Variants in SH3RF2 observed in about 807,000 individuals in gnomAD.
SH3RF2 encodes the protein E3 ubiquitin-protein ligase SH3RF2.
Under a neutral mutation model 59.0 loss-of-function variants are expected in SH3RF2, and 43 were observed. The observed-to-expected ratio is 0.73, with a 90% CI of 0.57 to 0.94. The LOEUF (loss-of-function observed/expected upper bound fraction) is 0.94. SH3RF2 is among the 40% of genes least tolerant of loss of function. The pLI, the probability that SH3RF2 is intolerant of heterozygous loss-of-function variation, is 0.00. For synonymous variants in SH3RF2, 391 were observed against 391.5 expected (o/e 1.00, Z 0.01); for missense variants, 930 against 940.1 (o/e 0.99, Z 0.14).
At chr5:145,982,685 C>T (rs1028034526) in intron 2 of SH3RF2, among the ~76,000 whole-genome samples, 3 of 152,138 alleles carry the variant, frequency 2.0e-5, no homozygotes, top group African/African-American at 7.2e-5. Flanking sequence ...TTTCTGTCCT[C>T]ACAAAGTTTA....
intron 5 of SH3RF2, among the ~76,000 whole-genome samples, chr5:146,042,042 C>G (rs1339277632): frequency 6.6e-6 from 1 of 152,186 alleles, no homozygotes; most frequent in Non-Finnish European, 1.5e-5. Flanking sequence ...TAGTGCCATA[C>G]CAGCTCTAGA....
chr5:146,017,448 G>A (rs868599513), intron 5 of SH3RF2, among the ~76,000 whole-genome samples: 1 of 152,020 alleles, frequency 6.6e-6, no homozygotes, highest in East Asian at 1.9e-4. Context: ...CTCGCCCTCT[G>A]CCTCCCACAC....
At chr5:146,035,952 T>C (rs536870651) in intron 5 of SH3RF2, among the ~76,000 whole-genome samples, 2 of 152,300 alleles carry the variant, frequency 1.3e-5, no homozygotes, top group East Asian at 3.9e-4. Flanking sequence ...GCAGATGCTT[T>C]ACAAGCATCT....
At chr5:145,938,406 G>A in intron 2 of SH3RF2, 100 bp downstream of exon 2, 1 of 1,364,290 alleles carries the variant, frequency 7.3e-7, no homozygotes, top group South Asian at 1.7e-5. Context: ...ATTCCAGAGT[G>A]CTGCTGTTGA....
At chr5:145,998,379 A>G (rs1357231413) in intron 2 of SH3RF2, among the ~76,000 whole-genome samples, 1 of 152,092 alleles carries the variant, frequency 6.6e-6, no homozygotes, top group African/African-American at 2.4e-5. Context: ...GTATAATCAT[A>G]TATTTCTGCT....
At chr5:145,954,886 G>A (rs1179332796) in intron 2 of SH3RF2, among the ~76,000 whole-genome samples, 12 of 148,120 alleles carry the variant, frequency 8.1e-5, no homozygotes, top group African/African-American at 2.2e-4. Flanking sequence ...AGAGAGAGAG[G>A]GAGAGAGTGG....
At chr5:146,002,744 T>A (rs1301890660) in intron 3 of SH3RF2, among the ~76,000 whole-genome samples, 1 of 152,160 alleles carries the variant, frequency 6.6e-6, no homozygotes, top group East Asian at 1.9e-4. Context: ...GTCAGATTAG[T>A]GGCAGCATTA....
intron 2 of SH3RF2, among the ~76,000 whole-genome samples, chr5:145,946,795 T>C (rs535088999): frequency 1.3e-5 from 2 of 152,286 alleles, no homozygotes; most frequent in African/African-American, 2.4e-5. Flanking sequence ...GTCATAGGGA[T>C]ACCAGTGACA....
intron 5 of SH3RF2, among the ~76,000 whole-genome samples, chr5:146,046,594 G>A (rs10491263): frequency 0.035 from 5,293 of 152,200 alleles, 113 homozygotes; most frequent in Non-Finnish European, 0.048. Context: ...TAAGCTACAA[G>A]TACGTATTGA....
In SH3RF2 at chr5:145,937,807, T is replaced by C; in HGVS notation, c.-106-16T>C. On this transcript the variant is annotated splice_polypyrimidine_tract_variant and intron_variant, in intron 1 of 9. Coordinates refer to ENST00000359120, the MANE Select transcript of SH3RF2 (RefSeq NM_152550.4). ...CAGTCACATTTTTTTTTCTCTCCTC[T>C]CCCTCCTTCAAGCAGGCAAAAATTC... 1 of 1,177,928 alleles carries C rather than the reference T, an allele frequency of 8.5e-7. No individual in the cohort carries two copies. The highest frequency in any genetic ancestry group is 2.4e-5 in the East Asian group (1 of 42,552). The allele number at this position is 1,177,928 out of a possible 1,614,324, so 73.0% of individuals were successfully genotyped here.
At chr5:146,066,674 A>G (rs1763113923), downstream of SH3RF2, among the ~76,000 whole-genome samples, 1 of 152,204 alleles carries the variant, frequency 6.6e-6, no homozygotes, top group Non-Finnish European at 1.5e-5. Context: ...GAAAAAGGGT[A>G]TTTCAAGCAG....
intron 5 of SH3RF2, among the ~76,000 whole-genome samples, chr5:146,045,646 A>T (rs1441109347): frequency 2.0e-5 from 3 of 152,198 alleles, no homozygotes; most frequent in South Asian, 2.1e-4. Context: ...ATGTTCTCTT[A>T]TGTATCAATA....
At chr5:146,054,770 C>G (rs889003605) in intron 7 of SH3RF2, among the ~76,000 whole-genome samples, 4 of 152,062 alleles carry the variant, frequency 2.6e-5, no homozygotes, top group African/African-American at 7.2e-5. Flanking sequence ...GAAGGAAAGA[C>G]AAAGAGAGAG....
At chr5:145,984,330 G>C (rs903855712) in intron 2 of SH3RF2, among the ~76,000 whole-genome samples, 12 of 152,174 alleles carry the variant, frequency 7.9e-5, no homozygotes, top group Admixed American at 7.2e-4. Flanking sequence ...GGGAAGTATA[G>C]GGTGCAATGG....
intron 5 of SH3RF2, among the ~76,000 whole-genome samples, chr5:146,036,463 G>A (rs1299966908): frequency 3.3e-5 from 5 of 152,212 alleles, no homozygotes. Context: ...GGGAGGCTGA[G>A]GCGGGTGGAT....
chr5:145,997,443 G>C, intron 2 of SH3RF2: 3 of 1,463,334 alleles, frequency 2.1e-6, no homozygotes, highest in Non-Finnish European at 2.9e-6. Context: ...CTGGTGCAAG[G>C]ATGTTTATGT....
chr5:145,959,647 G>GTA (rs758592105), intron 2 of SH3RF2, among the ~76,000 whole-genome samples: 2 of 146,344 alleles, frequency 1.4e-5, no homozygotes, highest in Admixed American at 1.4e-4. Context: ...GTGTGTGTGT[G>GTA]TATGTGTGTG....
intron 6 of SH3RF2, 23 bp from the exon 7 acceptor site, chr5:146,049,052 A>G: frequency 1.9e-6 from 3 of 1,612,416 alleles, no homozygotes; most frequent in Non-Finnish European, 2.5e-6. Flanking sequence ...TTCCTCCCTC[A>G]CCAGTTCTCT....
At chr5:146,071,074 A>G (rs1286820162) in intron 9 of SH3RF2, among the ~76,000 whole-genome samples, 1 of 152,234 alleles carries the variant, frequency 6.6e-6, no homozygotes, top group Non-Finnish European at 1.5e-5. Context: ...TCCCATGAGA[A>G]TCACAACTCC....
Sources: allele counts gnomAD v4.1 joint callset (sites outside exome capture counted in the v4.1 genomes callset), GRCh38; gene constraint gnomAD v4.1.1; transcripts MANE v1.5; gene names NCBI Gene and HGNC (gene_info 2026-07-23, HGNC 2026-07-21).